Variants in PRKD1 observed in about 807,000 individuals in gnomAD.
PRKD1 encodes serine/threonine-protein kinase D1.
Under a neutral mutation model 95.9 loss-of-function variants are expected in PRKD1, and 63 were observed. That is an observed-to-expected ratio of 0.66 (90% CI 0.54 to 0.81). The LOEUF is 0.81. Ranked by LOEUF, PRKD1 falls within the 30% of genes least tolerant of loss-of-function variation. The pLI is 0.00. For synonymous variants in PRKD1, 425 were observed against 423.1 expected (o/e 1.00, Z -0.05); for missense variants, 1,048 against 1,165.3 (o/e 0.90, Z 1.47).
Position 29,846,646 on chromosome 14 carries a change from G to T in PRKD1, c.264+80603C>A, listed in dbSNP as rs116456011. ...AGCCATGCAGAAGGTTTATAGCAGA[G>T]CAGGAACATGATGGGCTCACTTTAG... is the stretch of plus-strand genomic sequence containing the variant. On this transcript the variant is annotated intron_variant, in intron 1 of 17. Coordinates refer to ENST00000331968, the MANE Select transcript of PRKD1 (RefSeq NM_002742.3). Among the ~76,000 whole-genome samples the T allele has an allele frequency of 1.0e-2, 1,516 of 152,288 alleles. 20 individuals carry two copies. The highest frequency in any genetic ancestry group is 0.034 in the African/African-American group (1,426 of 41,560).
chr14:29,625,521 T>C (rs889889875), intron 12 of PRKD1, among the ~76,000 whole-genome samples: 13 of 152,166 alleles, frequency 8.5e-5, no homozygotes, highest in African/African-American at 3.1e-4. Context: ...TATGTATATT[T>C]ACCATGATCT....
At chr14:29,723,975 T>C (rs1886023985) in intron 2 of PRKD1, among the ~76,000 whole-genome samples, 1 of 151,962 alleles carries the variant, frequency 6.6e-6, no homozygotes, top group Admixed American at 6.6e-5. Flanking sequence ...CACAATGAAG[T>C]TCTCAATTTG....
chr14:29,652,483 A>G (rs1336118002), intron 4 of PRKD1, among the ~76,000 whole-genome samples: 3 of 152,274 alleles, frequency 2.0e-5, no homozygotes, highest in Middle Eastern at 3.4e-3. Flanking sequence ...GATAACAGTA[A>G]CTCAAAGCAG....
At chr14:29,871,256 T>C (rs1893096060) in intron 1 of PRKD1, among the ~76,000 whole-genome samples, 1 of 152,184 alleles carries the variant, frequency 6.6e-6, no homozygotes, top group Admixed American at 6.5e-5. Flanking sequence ...GGAAATTAAA[T>C]GAGAATAGAT....
intron 2 of PRKD1, among the ~76,000 whole-genome samples, chr14:29,675,770 A>G (rs1883129019): frequency 6.6e-6 from 1 of 152,114 alleles, no homozygotes; most frequent in Non-Finnish European, 1.5e-5. Flanking sequence ...AAAATGTGGC[A>G]CATATACACC....
Position 29,725,583 on chromosome 14 carries a change from G to A in PRKD1, c.356C>T (p.Ala119Val), listed in dbSNP as rs761853569. The change falls in exon 2 of 18, where the codon GCG becomes GTG. Residue 119 changes from alanine (A) to valine (V), a missense_variant. Coordinates refer to ENST00000331968, the MANE Select transcript of PRKD1 (RefSeq NM_002742.3). Reference protein sequence around the residue: ...TSENILQLVKAASDIQEGDLI... With the variant: ...TSENILQLVKVASDIQEGDLI... ...ATCGCCTTCCTGGATATCACTGGCC[G>A]CTTTCACCAGCTGAAGGATGTTTTC... 3.1e-5 allele frequency: 50 copies of A among 1,613,578 alleles called. No homozygotes were observed. The Middle Eastern group carries it at 6.6e-4, about 21-fold the overall frequency.
At chr14:29,836,559 T>C (rs879701931) in intron 1 of PRKD1, among the ~76,000 whole-genome samples, 1 of 152,174 alleles carries the variant, frequency 6.6e-6, no homozygotes, top group Admixed American at 6.5e-5. Flanking sequence ...CACCAGACCA[T>C]GCTAATGAAA....
chr14:29,905,746 G>A (rs150189931), intron 1 of PRKD1, among the ~76,000 whole-genome samples: 252 of 152,300 alleles, frequency 1.7e-3, no homozygotes, highest in African/African-American at 5.7e-3. Context: ...CCCACTTCAG[G>A]CTTACAGCAC....
intron 13 of PRKD1, among the ~76,000 whole-genome samples, chr14:29,601,884 G>A (rs1594352995): frequency 6.6e-6 from 1 of 152,292 alleles, no homozygotes; most frequent in Non-Finnish European, 1.5e-5. Context: ...AAGTGTCAAA[G>A]GTCTCAGCTG....
intron 1 of PRKD1, among the ~76,000 whole-genome samples, chr14:29,885,633 G>A (rs1008402843): frequency 2.0e-5 from 3 of 151,896 alleles, no homozygotes; most frequent in Non-Finnish European, 2.9e-5. Flanking sequence ...AGGGTTAAGG[G>A]GAATTTCCCA....
chr14:29,626,425 T>C lies in PRKD1; in HGVS notation c.1798+59A>G, dbSNP rs1879625535. The C allele has an allele frequency of 5.9e-6, 8 of 1,365,386 alleles. No homozygotes were observed. The South Asian group carries it at 9.5e-5, about 16-fold the overall frequency. 84.6% of individuals were successfully genotyped at this position (1,365,386 alleles called of 1,614,324 possible). A position where few individuals can be genotyped will look rare whatever the true frequency, so the allele number is the denominator to read the frequency against. On this transcript the variant is annotated intron_variant, in intron 12 of 17. Transcript: ENST00000331968. ...TATGTTTTTCCTGTAAATATCGCTTTTTAAAATATAACTAGCAAAAATTTT... is the reference window on the plus strand; with the variant it reads ...TATGTTTTTCCTGTAAATATCGCTTCTTAAAATATAACTAGCAAAAATTTT...
At chr14:29,875,986 G>A (rs1424146355) in intron 1 of PRKD1, among the ~76,000 whole-genome samples, 1 of 152,094 alleles carries the variant, frequency 6.6e-6, no homozygotes, top group Non-Finnish European at 1.5e-5. Context: ...GGTGCCCTGA[G>A]CCCCAATTCC....
intron 16 of PRKD1, among the ~76,000 whole-genome samples, chr14:29,587,653 G>T (rs1892984658): frequency 6.6e-6 from 1 of 152,090 alleles, no homozygotes; most frequent in Non-Finnish European, 1.5e-5. Flanking sequence ...CAAAATAAAT[G>T]ATTCTTTTCC....
Position 29,626,456 on chromosome 14 carries a change from C to A in PRKD1, c.1798+28G>T, listed in dbSNP as rs749394971. On this transcript the variant is annotated intron_variant, in intron 12 of 17. Coordinates refer to ENST00000331968, the MANE Select transcript of PRKD1 (RefSeq NM_002742.3). ...ATATAACTAGCAAAAATTTTAAGTT[C>A]ATAAAAATACTCAGTGAGATAACCT... The A allele has an allele frequency of 4.2e-5, 66 of 1,570,158 alleles. No homozygotes were observed. The East Asian group carries it at 1.2e-3, about 29-fold the overall frequency.
chr14:29,675,401 G>A (rs776159550), intron 2 of PRKD1, among the ~76,000 whole-genome samples: 1 of 152,084 alleles, frequency 6.6e-6, no homozygotes, highest in South Asian at 2.1e-4. Context: ...GTAGACAATC[G>A]CTTCCCCATC....
At chr14:29,693,709 G>C (rs1884366720) in intron 2 of PRKD1, among the ~76,000 whole-genome samples, 1 of 147,802 alleles carries the variant, frequency 6.8e-6, no homozygotes, top group Non-Finnish European at 1.5e-5. Context: ...ATAAGGACAA[G>C]TAAATTTCAA....
At chr14:29,722,529 T>A (rs1239019296) in intron 2 of PRKD1, among the ~76,000 whole-genome samples, 1 of 152,224 alleles carries the variant, frequency 6.6e-6, no homozygotes, top group Admixed American at 6.6e-5. Flanking sequence ...CAAATCGATA[T>A]TTTTACAAAA....
At chr14:29,633,772 C>T (rs1479738402) in intron 8 of PRKD1, among the ~76,000 whole-genome samples, 1 of 152,160 alleles carries the variant, frequency 6.6e-6, no homozygotes, top group Non-Finnish European at 1.5e-5. Flanking sequence ...CTCTCTCTAA[C>T]ACAGATGGTC....
At chr14:29,654,826 T>C (rs978933314) in intron 4 of PRKD1, among the ~76,000 whole-genome samples, 13 of 152,228 alleles carry the variant, frequency 8.5e-5, no homozygotes, top group Non-Finnish European at 5.9e-5. Context: ...TGCACAACTG[T>C]CACTAAAACA....
Sources: gnomAD v4.1 joint callset for allele counts (sites outside exome capture counted in the v4.1 genomes callset) on GRCh38, gnomAD v4.1.1 for gene constraint, MANE v1.5 for transcripts, NCBI Gene and HGNC (gene_info 2026-07-23, HGNC 2026-07-21) for gene names.